Variants in XKR9 observed in about 807,000 individuals in gnomAD.
XKR9 encodes the protein XK related 9.
In XKR9, 32 loss-of-function variants were observed where a neutral mutation model predicts 32.0. The ratio of observed to expected loss-of-function variants is 1.00; its 90% confidence interval spans 0.76 to 1.34. The LOEUF (loss-of-function observed/expected upper bound fraction) is 1.34, where lower values mean the gene tolerates loss of function less well. Ranked by LOEUF, XKR9 falls within the 40% of genes most tolerant of loss-of-function variation. XKR9 has a pLI of 0.00. For synonymous variants in XKR9, 168 were observed against 143.4 expected (o/e 1.17, Z -1.22); for missense variants, 546 against 429.7 (o/e 1.27, Z -2.39).
At chr8:70,802,963 G>T in the XKR9 span, among the ~76,000 whole-genome samples, 1 of 152,110 alleles carries the variant, frequency 6.6e-6, no homozygotes, top group Non-Finnish European at 1.5e-5. Flanking sequence ...TCTCATAGGA[G>T]TTCTCTGCAT....
chr8:71,022,943 GT>G, the XKR9 span, among the ~76,000 whole-genome samples: 4 of 146,186 alleles, frequency 2.7e-5, no homozygotes, highest in South Asian at 2.2e-4. Flanking sequence ...TTTCTGCTTT[GT>G]TTTTTTTTAA....
At chr8:70,976,464 A>G in the XKR9 span, among the ~76,000 whole-genome samples, 1 of 152,120 alleles carries the variant, frequency 6.6e-6, no homozygotes, top group East Asian at 1.9e-4. Context: ...TTCTGCATCT[A>G]TTGAGATAAT....
the XKR9 span, among the ~76,000 whole-genome samples, chr8:71,058,178 C>CAA: frequency 7.5e-4 from 112 of 149,244 alleles, no homozygotes; most frequent in African/African-American, 1.5e-3. Context: ...GACTCCGTCT[C>CAA]AAAAAAAAAA....
At chr8:71,060,411 T>C in the XKR9 span, among the ~76,000 whole-genome samples, 1 of 152,340 alleles carries the variant, frequency 6.6e-6, no homozygotes, top group African/African-American at 2.4e-5. Flanking sequence ...GCGGGTGTCC[T>C]CATCCCTTTA....
At chr8:70,827,297 T>G in the XKR9 span, among the ~76,000 whole-genome samples, 3 of 152,154 alleles carry the variant, frequency 2.0e-5, no homozygotes, top group Non-Finnish European at 2.9e-5. Context: ...AGAAAACTGA[T>G]AGGCAGGGAA....
chr8:70,863,037 G>C, the XKR9 span, among the ~76,000 whole-genome samples: 2 of 152,254 alleles, frequency 1.3e-5, no homozygotes, highest in East Asian at 3.9e-4. Flanking sequence ...AGTTAGTGTT[G>C]TCAGCGTGCA....
At chr8:71,001,142 G>A in the XKR9 span, among the ~76,000 whole-genome samples, 1 of 152,218 alleles carries the variant, frequency 6.6e-6, no homozygotes, top group African/African-American at 2.4e-5. Context: ...GTAACAGTTT[G>A]TGGATTAGCA....
the XKR9 span, among the ~76,000 whole-genome samples, chr8:70,888,830 A>T: frequency 7.3e-4 from 111 of 152,078 alleles, no homozygotes; most frequent in African/African-American, 2.5e-3. Flanking sequence ...TTTTTATACC[A>T]ATACCATGCT....
At chr8:70,821,972 T>A in the XKR9 span, among the ~76,000 whole-genome samples, 2 of 152,216 alleles carry the variant, frequency 1.3e-5, no homozygotes, top group African/African-American at 4.8e-5. Context: ...CTTGAATGTC[T>A]CCTCAGAAAA....
chr8:70,919,194 A>G, the XKR9 span, among the ~76,000 whole-genome samples: 3 of 152,124 alleles, frequency 2.0e-5, no homozygotes, highest in African/African-American at 7.2e-5. Flanking sequence ...AAGTTACTTC[A>G]CTTCTCTGAG....
the XKR9 span, among the ~76,000 whole-genome samples, chr8:70,852,422 C>A: frequency 6.6e-6 from 1 of 152,046 alleles, no homozygotes; most frequent in African/African-American, 2.4e-5. Flanking sequence ...ATATACCCAG[C>A]AATCCCATTA....
intron 2 of XKR9, among the ~76,000 whole-genome samples, chr8:70,741,468 G>A (rs1806981022): frequency 6.6e-6 from 1 of 152,202 alleles, no homozygotes; most frequent in Admixed American, 6.5e-5. Context: ...AACAGACTGA[G>A]ACACATGTAA....
the XKR9 span, among the ~76,000 whole-genome samples, chr8:70,923,999 C>G: frequency 6.6e-6 from 1 of 152,270 alleles, no homozygotes; most frequent in Admixed American, 6.5e-5. Flanking sequence ...TGTTGGTGAA[C>G]TGGTTCTCTC....
chr8:71,060,067 A>G, the XKR9 span, among the ~76,000 whole-genome samples: 9 of 152,174 alleles, frequency 5.9e-5, no homozygotes, highest in Non-Finnish European at 1.5e-5. Flanking sequence ...TCATTAAAAT[A>G]CTGTTTGGAA....
chr8:70,782,997 C>T (rs1807636893), intron 2 of XKR9, among the ~76,000 whole-genome samples: 1 of 152,098 alleles, frequency 6.6e-6, no homozygotes, highest in Admixed American at 6.5e-5. Flanking sequence ...AGAAACCATA[C>T]AGTTTTCCTT....
the XKR9 span, among the ~76,000 whole-genome samples, chr8:70,867,002 C>T: frequency 6.6e-6 from 1 of 151,990 alleles, no homozygotes; most frequent in Non-Finnish European, 1.5e-5. Flanking sequence ...CATCTTGATC[C>T]CGAGTGTATC....
chr8:70,878,246 A>T, the XKR9 span, among the ~76,000 whole-genome samples: 1 of 152,210 alleles, frequency 6.6e-6, no homozygotes, highest in African/African-American at 2.4e-5. Context: ...AACTGCATTA[A>T]TTAATGGGCA....
the XKR9 span, among the ~76,000 whole-genome samples, chr8:70,934,316 A>G: frequency 1.3e-5 from 2 of 152,062 alleles, no homozygotes; most frequent in African/African-American, 2.4e-5. Context: ...TTAGGGGGCT[A>G]TAGAGACTTG....
At chr8:70,676,742 A>T (rs1459957077) in intron 2 of XKR9, among the ~76,000 whole-genome samples, 1 of 152,144 alleles carries the variant, frequency 6.6e-6, no homozygotes, top group African/African-American at 2.4e-5. Flanking sequence ...CAGGTATGGT[A>T]CCTGTGCTGA....
Sources: gnomAD v4.1 joint callset for allele counts (sites outside exome capture counted in the v4.1 genomes callset) on GRCh38, gnomAD v4.1.1 for gene constraint, MANE v1.5 for transcripts, NCBI Gene and HGNC (gene_info 2026-07-23, HGNC 2026-07-21) for gene names.